KIDINS220: variants seen among roughly 807,000 people sequenced by gnomAD.
KIDINS220 encodes the protein kinase D interacting substrate 220.
KIDINS220 carries 63 observed loss-of-function variants against 157.6 expected under a neutral mutation model. The ratio of observed to expected loss-of-function variants is 0.40; its 90% CI spans 0.33 to 0.49. KIDINS220 has a LOEUF of 0.49. Among genes scored for constraint, KIDINS220 ranks in the 20% least tolerant of loss-of-function variants. KIDINS220 has a pLI of 0.66. For missense variants in KIDINS220, 1,772 were observed against 2,171.2 expected (o/e 0.82, Z 3.65); for synonymous variants, 732 against 783.6 (o/e 0.93, Z 1.10).
chr2:8,835,638 C>A (rs1406202864), intron 1 of KIDINS220, among the ~76,000 whole-genome samples: 8 of 128,012 alleles, frequency 6.2e-5, no homozygotes, highest in Non-Finnish European at 1.3e-4. Flanking sequence ...CCAGCCTGGG[C>A]AACAGAGCCA....
At position 8,747,909 on chromosome 2, in the gene KIDINS220, G is replaced by A. The variant is rs769377695; in HGVS notation, c.3506C>T (p.Pro1169Leu). Residue 1169 changes from proline to leucine, a missense_variant, in exon 25 of 30, where the codon CCC (proline) becomes CTC (leucine). Coordinates refer to ENST00000256707, the MANE Select transcript of KIDINS220 (RefSeq NM_020738.4). The part of the protein sequence containing the change: ...ISRPSVKTSL[P>L]RDQNNGLEVI... Reference sequence around the variant, plus strand: ...TACTAGGCCATTGTTCTGATCTCTGGGCAAACTCGTTTTTACTGATGGACG... The same window carrying A: ...TACTAGGCCATTGTTCTGATCTCTGAGCAAACTCGTTTTTACTGATGGACG... 3.7e-6 allele frequency: 6 copies of A among 1,603,782 alleles called. No homozygotes were observed. In the Admixed American group the frequency reaches 1.0e-4, roughly 28 times the overall value.
chr2:8,831,453 C>T (rs1253813094), intron 1 of KIDINS220, among the ~76,000 whole-genome samples: 9 of 152,092 alleles, frequency 5.9e-5, no homozygotes, highest in African/African-American at 1.9e-4. Flanking sequence ...TTAGAAAGTC[C>T]ATTCTCCACG....
At chr2:8,773,764 G>A (rs999997838) in intron 21 of KIDINS220, among the ~76,000 whole-genome samples, 4 of 152,052 alleles carry the variant, frequency 2.6e-5, no homozygotes, top group African/African-American at 9.7e-5. Context: ...GAGCCGGTGC[G>A]CCCAGCCAGT....
chr2:8,801,558 C>CA (rs1422868451), intron 8 of KIDINS220, among the ~76,000 whole-genome samples: 5 of 152,114 alleles, frequency 3.3e-5, no homozygotes, highest in Admixed American at 3.3e-4. Context: ...ATACAATAAA[C>CA]AAAAAATCAT....
At chr2:8,764,348 T>A (rs761525753) in intron 22 of KIDINS220, among the ~76,000 whole-genome samples, 28 of 152,088 alleles carry the variant, frequency 1.8e-4, no homozygotes, top group Non-Finnish European at 3.1e-4. Context: ...CACTAAATAA[T>A]TCATCCATGC....
At position 8,818,821 on chromosome 2, in the gene KIDINS220, T is replaced by G. The variant is rs758129923; in HGVS notation, c.109-28A>C. ...AGAGAATATAAAAGACAAAGGGAAC[T>G]TATCAAGTTACTGCACTTTTACTAA... is the stretch of plus-strand genomic sequence containing the variant. On this transcript the variant is annotated intron_variant, in intron 2 of 29. Transcript: ENST00000256707. 2.3e-6 allele frequency: 3 copies of G among 1,325,062 alleles called. No individual in the cohort carries two copies. In the African/African-American group the frequency reaches 4.4e-5, roughly 20 times the overall value. The allele number at this position is 1,325,062 out of a possible 1,614,324, so 82.1% of individuals were successfully genotyped here. A position where few individuals can be genotyped will look rare whatever the true frequency, so the allele number is the denominator to read the frequency against.
intron 23 of KIDINS220, 147 bp downstream of exon 23, chr2:8,751,319 C>G (rs1183649131): frequency 6.5e-6 from 3 of 464,742 alleles, no homozygotes; most frequent in African/African-American, 4.2e-5. Flanking sequence ...GACTCCTAAT[C>G]TTTAATTTCA....
At chr2:8,789,155 C>A (rs530604042) in intron 14 of KIDINS220, among the ~76,000 whole-genome samples, 1 of 147,040 alleles carries the variant, frequency 6.8e-6, no homozygotes, top group Admixed American at 7.0e-5. Flanking sequence ...ACTGAAGACA[C>A]CCCCAAGAAT....
rs1183951907 is a variant in KIDINS220 at position 8,803,062 on chromosome 2, C to A, written c.669G>T (p.Leu223Phe). 1 of 1,613,088 alleles carries A rather than the reference C, an allele frequency of 6.2e-7. No individual in the cohort carries two copies. The highest frequency in any genetic ancestry group is 8.5e-7 in the Non-Finnish European group (1 of 1,179,898). ...TTAAGTTTACATTTGGATTCCTCTT[C>A]AAAATTTCTTTTACTGACTGTGTGT... ...GGYTQSVKEILKRNPNVNLTD... is the reference protein window; with the variant it reads ...GGYTQSVKEIFKRNPNVNLTD... The change falls in exon 8 of 30, where the codon TTG (leucine) becomes TTT (phenylalanine). Residue 223 changes from leucine (L) to phenylalanine (F), a missense_variant. By Grantham distance (22) the Leu-to-Phe change is conservative. Coordinates refer to ENST00000256707, the MANE Select transcript of KIDINS220 (RefSeq NM_020738.4).
chr2:8,820,795 G>A (rs1048201445), intron 2 of KIDINS220, among the ~76,000 whole-genome samples: 2 of 152,174 alleles, frequency 1.3e-5, no homozygotes, highest in African/African-American at 4.8e-5. Context: ...TAAAAGTTAT[G>A]TTTAGAATTC....
chr2:8,786,183 AGAAG>A lies in KIDINS220; in HGVS notation c.1939+19_1939+22del. ...TCCCACCCCCATCCCTTACACACAA[AGAAG>A]GAAGGAAGGAAATCCTACCCTGAGT... On this transcript the variant is annotated intron_variant, in intron 16 of 29. Transcript: ENST00000256707. 2 of 1,613,618 alleles carry A rather than the reference AGAAG, an allele frequency of 1.2e-6. No individual in the cohort carries two copies. Among genetic ancestry groups the A allele is most frequent in the South Asian group, 1.1e-5 (1 of 91,040 alleles).
intron 17 of KIDINS220, among the ~76,000 whole-genome samples, chr2:8,780,685 T>C (rs1002551046): frequency 6.6e-6 from 1 of 151,582 alleles, no homozygotes; most frequent in Non-Finnish European, 1.5e-5. Flanking sequence ...ACCTGAGAAG[T>C]GATATAGTAT....
chr2:8,773,735 G>A (rs888186803), intron 21 of KIDINS220, among the ~76,000 whole-genome samples: 4 of 152,080 alleles, frequency 2.6e-5, no homozygotes, highest in African/African-American at 7.2e-5. Context: ...GCCTCCCAAA[G>A]TGCTGAGATT....
At chr2:8,775,073 T>C (rs1460579465) in intron 21 of KIDINS220, among the ~76,000 whole-genome samples, 1 of 152,108 alleles carries the variant, frequency 6.6e-6, no homozygotes, top group Non-Finnish European at 1.5e-5. Context: ...AGTAGATTGG[T>C]GGTAGTATAT....
intron 17 of KIDINS220, among the ~76,000 whole-genome samples, chr2:8,782,092 C>G (rs1421799890): frequency 6.6e-6 from 1 of 151,696 alleles, no homozygotes. Flanking sequence ...ACAGCCTGGG[C>G]AACAGAGTGA....
chr2:8,824,803 A>G (rs1480995797), intron 2 of KIDINS220, among the ~76,000 whole-genome samples: 1 of 152,226 alleles, frequency 6.6e-6, no homozygotes, highest in Non-Finnish European at 1.5e-5. Flanking sequence ...ATAGACCAAG[A>G]AAATGTGCTA....
chr2:8,747,986 T>C lies in KIDINS220; in HGVS notation c.3429A>G (p.Pro1143=). ...GGTAATACCTTGGCGTGTAAAGGTA[T>C]GGGGCAAAGAATGGCTATGGAAAAA... is the stretch of plus-strand genomic sequence containing the variant. ...HPFYNRPFFA[P]YLYTPRYYPG... Residue 1143 remains proline (P), a synonymous_variant, in exon 25 of 30, where the codon CCA becomes CCG. Transcript: ENST00000256707. 1.3e-6 allele frequency: 2 copies of C among 1,570,352 alleles called. No individual in the cohort carries two copies. The highest frequency in any genetic ancestry group is 1.7e-6 in the Non-Finnish European group (2 of 1,161,608).
chr2:8,828,969 T>C (rs186534771), intron 1 of KIDINS220, among the ~76,000 whole-genome samples: 62 of 152,318 alleles, frequency 4.1e-4, no homozygotes, highest in African/African-American at 1.5e-3. Flanking sequence ...CTGTGGACTT[T>C]GGGTTGATGC....
intron 22 of KIDINS220, among the ~76,000 whole-genome samples, chr2:8,765,877 C>A (rs1226362590): frequency 2.0e-5 from 3 of 152,082 alleles, no homozygotes; most frequent in Admixed American, 6.6e-5. Flanking sequence ...CTCTATTAAT[C>A]ATTTCATCTT....
Sources: gnomAD v4.1 joint callset for allele counts (sites outside exome capture counted in the v4.1 genomes callset) on GRCh38, gnomAD v4.1.1 for gene constraint, MANE v1.5 for transcripts, NCBI Gene and HGNC (gene_info 2026-07-23, HGNC 2026-07-21) for gene names.